POU5F2: variants seen among roughly 807,000 people sequenced by gnomAD.
POU5F2 encodes the protein POU domain class 5, transcription factor 2, also known as POU domain, class 5, transcription factor 2.
For missense variants in POU5F2, 401 were observed against 426.6 expected (o/e 0.94, Z 0.53); for synonymous variants, 191 against 178.7 (o/e 1.07, Z -0.55).
chr5:93,741,387 G>A lies in POU5F2; in HGVS notation c.177C>T (p.Asp59=), dbSNP rs138308146. The change falls in exon 1 of 1, where the codon GAC becomes GAT. Residue 59 remains aspartate, a synonymous_variant. Coordinates refer to ENST00000606183, the MANE Select transcript of POU5F2 (RefSeq NM_153216.2). The part of the protein sequence containing the change: ...AVRPGICPGP[D]VWRIPLGPLP... The stretch of plus-strand genomic sequence containing the variant: ...GGGGACCCAGGGGAATCCTCCACAC[G>A]TCAGGGCCTGGGCAGATCCCTGGCC... 1.5e-3 allele frequency: 2,486 copies of A among 1,612,954 alleles called. 3 individuals are homozygous for A. The highest frequency in any genetic ancestry group is 2.0e-3 in the Non-Finnish European group (2,388 of 1,179,596).
At chr5:93,740,578 TA>T in the POU5F2 span, 1 of 1,590,564 alleles carries the variant, frequency 6.3e-7, no homozygotes, top group Non-Finnish European at 8.6e-7. Flanking sequence ...CCCTCAGCCC[TA>T]AAATCTGAGG....
the POU5F2 span, chr5:93,741,381 C>T: frequency 1.4e-5 from 22 of 1,612,628 alleles, no homozygotes; most frequent in Non-Finnish European, 1.9e-5. Flanking sequence ...GGGGAATCCT[C>T]CACACGTCAG....
rs1746625850 is a variant in POU5F2 at position 93,733,727 on chromosome 5, T to C, written c.*6850A>G. Reference sequence around the variant, plus strand: ...TAAATCTTTACCTTCGAAATTTCCTTAACTATCTTCCTAAGTTTTATTCTT... The same window carrying C: ...TAAATCTTTACCTTCGAAATTTCCTCAACTATCTTCCTAAGTTTTATTCTT... On this transcript the variant is annotated 3_prime_UTR_variant, in exon 1 of 1. Transcript: ENST00000606183. 1 of 152,206 alleles carries C rather than the reference T, an allele frequency of 6.6e-6. No homozygotes were observed. Among genetic ancestry groups the C allele is most frequent in the South Asian group, 2.1e-4 (1 of 4,832 alleles). The allele number at this position is 152,206 out of a possible 1,614,324, so 9.4% of individuals were successfully genotyped here. A position where few individuals can be genotyped will look rare whatever the true frequency, so the allele number is the denominator to read the frequency against.
In POU5F2 at chr5:93,741,199, A is replaced by T. The variant is rs755005919; in HGVS notation, c.365T>A (p.Ile122Lys). 2 of 1,613,866 alleles carry T rather than the reference A, an allele frequency of 1.2e-6. No homozygotes were observed. Among genetic ancestry groups the T allele is most frequent in the Admixed American group, 3.3e-5 (2 of 60,016 alleles). The change falls in exon 1 of 1, where the codon ATA (isoleucine) becomes AAA (lysine). Residue 122 changes from isoleucine to lysine, a missense_variant. By Grantham distance (102) the Ile-to-Lys change is moderately radical. Transcript: ENST00000606183. Reference sequence around the variant, plus strand: ...GGCCAATTGCTGCAACTCTTTCAGTATGCCCGAGATGTCCTCTGGCGGCGG... The same window carrying T: ...GGCCAATTGCTGCAACTCTTTCAGTTTGCCCGAGATGTCCTCTGGCGGCGG... ...KLPPPEDISG[I>K]LKELQQLAKE...
At position 93,741,558 on chromosome 5, in the gene POU5F2, G is replaced by C. The variant is rs767125228; in HGVS notation, c.6C>G (p.Ala2=). The C allele has an allele frequency of 9.7e-6, 15 of 1,548,774 alleles. No homozygotes were observed. Among genetic ancestry groups the C allele is most frequent in the African/African-American group, 5.5e-5 (4 of 72,810 alleles). The stretch of plus-strand genomic sequence containing the variant: ...AGAAGTGGTTTGAGGGCCTGTGTCC[G>C]GCCATGGGTGGAATGGCACCCGCAG... The part of the protein sequence containing the change: M[A]GHRPSNHFCP... The change falls in exon 1 of 1, where the codon GCC becomes GCG. Residue 2 remains alanine, a synonymous_variant. Coordinates refer to ENST00000606183, the MANE Select transcript of POU5F2 (RefSeq NM_153216.2).
At chr5:93,741,507 GC>G in the POU5F2 span, 1 of 1,610,274 alleles carries the variant, frequency 6.2e-7, no homozygotes, top group Non-Finnish European at 8.5e-7. Context: ...CTCTGGGGCC[GC>G]CCCCACCACT....
At position 93,741,080 on chromosome 5, in the gene POU5F2, T is replaced by C. The variant is rs755947826; in HGVS notation, c.484A>G (p.Thr162Ala). The C allele has an allele frequency of 1.2e-6, 2 of 1,613,808 alleles. No homozygotes were observed. The highest frequency in any genetic ancestry group is 1.3e-5 in the African/African-American group (1 of 74,910). Residue 162 changes from threonine to alanine, a missense_variant, in exon 1 of 1, where the codon ACG (threonine) becomes GCG (alanine). Thr to Ala is a moderately conservative substitution (Grantham distance 58, BLOSUM62 0). Transcript: ENST00000606183. ...GALFGKVLSQ[T>A]TICRFEAQQL... ...TGGGCCTCGAAGCGGCAGATGGTCG[T>C]CTGGCTAAGCACCTTCCCAAACAGA...
Position 93,741,095 on chromosome 5 carries a change from T to C in POU5F2, c.469A>G (p.Lys157Glu). The part of the protein sequence containing the change: ...VGIAVGALFG[K>E]VLSQTTICRF... ...CAGATGGTCGTCTGGCTAAGCACCT[T>C]CCCAAACAGAGCTCCCACAGCGATC... The change falls in exon 1 of 1, where the codon AAG becomes GAG. Residue 157 changes from lysine to glutamate, a missense_variant. By Grantham distance (56) the Lys-to-Glu change is moderately conservative (BLOSUM62 1). Transcript: ENST00000606183. 1 of 1,613,794 alleles carries C rather than the reference T, an allele frequency of 6.2e-7. No individual in the cohort carries two copies. The highest frequency in any genetic ancestry group is 1.1e-5 in the South Asian group (1 of 91,072).
At position 93,741,524 on chromosome 5, in the gene POU5F2, G is replaced by T. The variant is rs1487548309; in HGVS notation, c.40C>A (p.Pro14Thr). The T allele has an allele frequency of 3.1e-6, 5 of 1,600,100 alleles. No homozygotes were observed. The highest frequency in any genetic ancestry group is 1.7e-5 in the Admixed American group (1 of 57,944). The change falls in exon 1 of 1, where the codon CCA becomes ACA. Residue 14 changes from proline (P) to threonine (T), a missense_variant. By Grantham distance (38) the Pro-to-Thr change is conservative. Transcript: ENST00000606183. ...HRPSNHFCPLPGSGGGGPRGP... is the reference protein window; with the variant it reads ...HRPSNHFCPLTGSGGGGPRGP... ...CTGGGGCCGCCCCCACCACTGCCTGGAAGGGGGCAGAAGTGGTTTGAGGGC... is the reference window on the plus strand; with the variant it reads ...CTGGGGCCGCCCCCACCACTGCCTGTAAGGGGGCAGAAGTGGTTTGAGGGC...
At position 93,737,745 on chromosome 5, in the gene POU5F2, TCTC is replaced by T. The variant is rs1378466419; in HGVS notation, c.*2829_*2831del. ...AAGATCATTCAATGCAGAAAGAACA[TCTC>T]CTCAACAAATGGTGCTGGGAAAACT... is the stretch of plus-strand genomic sequence containing the variant. On this transcript the variant is annotated 3_prime_UTR_variant, in exon 1 of 1. Transcript: ENST00000606183. 2 of 319,240 alleles carry T rather than the reference TCTC, an allele frequency of 6.3e-6. No individual in the cohort carries two copies. Among genetic ancestry groups the T allele is most frequent in the African/African-American group, 4.4e-5 (2 of 45,000 alleles). The allele number at this position is 319,240 out of a possible 1,614,324, so 19.8% of individuals were successfully genotyped here.
In POU5F2 at chr5:93,735,348, G is replaced by A. The variant is rs1455126166; in HGVS notation, c.*5229C>T. 1 of 152,228 alleles carries A rather than the reference G, an allele frequency of 6.6e-6. No homozygotes were observed. The highest frequency in any genetic ancestry group is 1.5e-5 in the Non-Finnish European group (1 of 68,058). The allele number at this position is 152,228 out of a possible 1,614,324, so 9.4% of individuals were successfully genotyped here. A position where few individuals can be genotyped will look rare whatever the true frequency, so the allele number is the denominator to read the frequency against. On this transcript the variant is annotated 3_prime_UTR_variant, in exon 1 of 1. Transcript: ENST00000606183. ...GTGAAGCTGATTAGTGACACATAGA[G>A]GCTTTGCCTAAGCAGAGGTGGGGCA...
At position 93,740,031 on chromosome 5, in the gene POU5F2, C is replaced by G. The variant is rs1421253888; in HGVS notation, c.*546G>C. On this transcript the variant is annotated 3_prime_UTR_variant, in exon 1 of 1. Coordinates refer to ENST00000606183, the MANE Select transcript of POU5F2 (RefSeq NM_153216.2). ...AAAAAAAAAAAATCTTCCAAGAAAGCTCAGGTGTTTCAGCAAGGGCTCTAG... is the reference window on the plus strand; with the variant it reads ...AAAAAAAAAAAATCTTCCAAGAAAGGTCAGGTGTTTCAGCAAGGGCTCTAG... The G allele has an allele frequency of 6.6e-6, 1 of 150,504 alleles. No homozygotes were observed. The highest frequency in any genetic ancestry group is 1.5e-5 in the Non-Finnish European group (1 of 67,786). The allele number at this position is 150,504 out of a possible 1,614,324, so 9.3% of individuals were successfully genotyped here. A position where few individuals can be genotyped will look rare whatever the true frequency, so the allele number is the denominator to read the frequency against.
chr5:93,734,018 T>C lies in POU5F2; in HGVS notation c.*6559A>G, dbSNP rs1746685041. 1 of 152,208 alleles carries C rather than the reference T, an allele frequency of 6.6e-6. No individual in the cohort carries two copies. Among genetic ancestry groups the C allele is most frequent in the Non-Finnish European group, 1.5e-5 (1 of 68,030 alleles). The allele number at this position is 152,208 out of a possible 1,614,324, so 9.4% of individuals were successfully genotyped here. On this transcript the variant is annotated 3_prime_UTR_variant, in exon 1 of 1. Transcript: ENST00000606183. ...GTATAATAAACAAGGATATACAGTA[T>C]ATCTCTTTCAAAAAAATTAAATTAT...
rs951176856 is a variant in POU5F2, at chr5:93,735,111, T to C, written c.*5466A>G. ...TTGATCTCTGTAACATTTAACATTGTTAACTACTTAACAATATAGTCTTGG... is the reference window on the plus strand; with the variant it reads ...TTGATCTCTGTAACATTTAACATTGCTAACTACTTAACAATATAGTCTTGG... On this transcript the variant is annotated 3_prime_UTR_variant, in exon 1 of 1. Transcript: ENST00000606183. 9.9e-5 allele frequency: 15 copies of C among 152,230 alleles called. No individual in the cohort carries two copies. The highest frequency in any genetic ancestry group is 3.6e-4 in the African/African-American group (15 of 41,462). 9.4% of individuals were successfully genotyped at this position (152,230 alleles called of 1,614,324 possible). A position where few individuals can be genotyped will look rare whatever the true frequency, so the allele number is the denominator to read the frequency against.
chr5:93,738,038 C>T lies in POU5F2; in HGVS notation c.*2539G>A. ...GTCAAAAGAGTAAAAGGACAACCCA[C>T]AGAATGGGAGAAAATACTTGCAAAC... On this transcript the variant is annotated 3_prime_UTR_variant, in exon 1 of 1. Coordinates refer to ENST00000606183, the MANE Select transcript of POU5F2 (RefSeq NM_153216.2). 1 of 364,956 alleles carries T rather than the reference C, an allele frequency of 2.7e-6. No homozygotes were observed. Among genetic ancestry groups the T allele is most frequent in the Middle Eastern group, 5.1e-4 (1 of 1,958 alleles). 22.6% of individuals were successfully genotyped at this position (364,956 alleles called of 1,614,324 possible).
In POU5F2 at chr5:93,740,696, C is replaced by T. The variant is rs1311635486; in HGVS notation, c.868G>A (p.Val290Met). The T allele has an allele frequency of 3.1e-6, 5 of 1,613,812 alleles. No individual in the cohort carries two copies. The highest frequency in any genetic ancestry group is 4.2e-6 in the Non-Finnish European group (5 of 1,179,796). The change falls in exon 1 of 1, where the codon GTG becomes ATG. Residue 290 changes from valine to methionine, a missense_variant. Val to Met is a conservative substitution (Grantham distance 21). Transcript: ENST00000606183. ...AGCCCCAGTCCCAGGTGAAAGCACA[C>T]TGGTGCTCCTGGGCAAGGAGGCCCG... ...TAGPPCPGAP[V>M]CFHLGLGLPV...
At position 93,738,173 on chromosome 5, in the gene POU5F2, A is replaced by G. The variant is rs998174071; in HGVS notation, c.*2404T>C. The G allele has an allele frequency of 1.7e-5, 3 of 178,636 alleles. No individual in the cohort carries two copies. Among genetic ancestry groups the G allele is most frequent in the African/African-American group, 2.4e-5 (1 of 41,760 alleles). 11.1% of individuals were successfully genotyped at this position (178,636 alleles called of 1,614,324 possible). A position where few individuals can be genotyped will look rare whatever the true frequency, so the allele number is the denominator to read the frequency against. ...TAGACATTTCTTTAAAGAAGATACA[A>G]AATAGACAATAAGCATATGAAAAGA... On this transcript the variant is annotated 3_prime_UTR_variant, in exon 1 of 1. Coordinates refer to ENST00000606183, the MANE Select transcript of POU5F2 (RefSeq NM_153216.2).
chr5:93,738,490 TTATATGTAA>T lies in POU5F2; in HGVS notation c.*2078_*2086del, dbSNP rs1747702708. 1 of 152,212 alleles carries T rather than the reference TTATATGTAA, an allele frequency of 6.6e-6. No homozygotes were observed. The highest frequency in any genetic ancestry group is 2.4e-5 in the African/African-American group (1 of 41,452). The allele number at this position is 152,212 out of a possible 1,614,324, so 9.4% of individuals were successfully genotyped here. On this transcript the variant is annotated 3_prime_UTR_variant, in exon 1 of 1. Coordinates refer to ENST00000606183, the MANE Select transcript of POU5F2 (RefSeq NM_153216.2). Reference sequence around the variant, plus strand: ...AAACAACAGATAAACAAATAGATTATTATATGTAAATGTTCATAGCAGTATCATTCACAA... The same window carrying T: ...AAACAACAGATAAACAAATAGATTATATGTTCATAGCAGTATCATTCACAA...
chr5:93,740,992 ACTTC>A, the POU5F2 span: 4 of 1,613,548 alleles, frequency 2.5e-6, no homozygotes, highest in African/African-American at 5.3e-5. Flanking sequence ...CTCTGCTTCC[ACTTC>A]CTTCAGCCAC....
Sources: allele counts gnomAD v4.1 joint callset, GRCh38; gene constraint gnomAD v4.1.1; transcripts MANE v1.5; gene names NCBI Gene and HGNC (gene_info 2026-07-23, HGNC 2026-07-21).